The following DOT1L variants were observed in gnomAD, a reference collection of about 807,000 sequenced individuals.
DOT1L encodes the protein DOT1 like histone lysine methyltransferase.
In DOT1L, 33 loss-of-function variants were observed where a neutral mutation model predicts 153.3. The ratio of observed to expected loss-of-function variants is 0.22; its 90% CI spans 0.16 to 0.29. The LOEUF (loss-of-function observed/expected upper bound fraction) is 0.29. DOT1L is among the 10% of genes least tolerant of loss of function. The pLI is 1.00. For missense variants in DOT1L, 1,847 were observed against 2,119.9 expected, an observed-to-expected ratio of 0.87 and a Z score of 2.53; for synonymous variants, 1,135 against 965.1, an observed-to-expected ratio of 1.18 and a Z score of -3.26.
In DOT1L at chr19:2,208,605, C is replaced by T. The variant is rs1376730257; in HGVS notation, c.964-330C>T. ...CCTCGGCGCAGCCTCTCGCCTTCTCCTCTGAGGCGGGCGCGGTTCTTCTGT... is the reference window on the plus strand; with the variant it reads ...CCTCGGCGCAGCCTCTCGCCTTCTCTTCTGAGGCGGGCGCGGTTCTTCTGT... On this transcript the variant is annotated intron_variant, in intron 11 of 27. Coordinates refer to ENST00000398665, the MANE Select transcript of DOT1L (RefSeq NM_032482.3). The surrounding 1 kb of genome is among the most constrained non-coding windows in gnomAD (Gnocchi z 4.4). 6.6e-6 allele frequency among the ~76,000 whole-genome samples: 1 copy of T among 152,224 alleles called. No homozygotes were observed. Among genetic ancestry groups the T allele is most frequent in the African/African-American group, 2.4e-5 (1 of 41,454 alleles).
Position 2,217,633 on chromosome 19 carries a change from C to A in DOT1L, c.2545-139C>A. 2 of 1,257,718 alleles carry A rather than the reference C, an allele frequency of 1.6e-6. No individual in the cohort carries two copies. Among genetic ancestry groups the A allele is most frequent in the Non-Finnish European group, 1.1e-6 (1 of 917,316 alleles). The allele number at this position is 1,257,718 out of a possible 1,614,324, so 77.9% of individuals were successfully genotyped here. On this transcript the variant is annotated intron_variant, in intron 21 of 27. Transcript: ENST00000398665. The surrounding 1 kb of genome is among the most constrained non-coding windows in gnomAD (Gnocchi z 7.3). ...GCCGGTGTCCAGGAGGGCCTGACTG[C>A]GTGGGGAAGGTTGCAGGGCCTTGGC...
chr19:2,214,312 G>A (rs76972872), intron 18 of DOT1L, 159 bp from the exon 19 acceptor site: 5 of 1,280,468 alleles, frequency 3.9e-6, no homozygotes, highest in Non-Finnish European at 4.2e-6. Context: ...CAGTCTCCGC[G>A]TGTTCCGCAT....
rs2144904983 is a variant in DOT1L at position 2,222,358 on chromosome 19, G to A, written c.3189G>A (p.Lys1063=). ...GTGCCAAGCAGTCGCCCTCCAGCAA[G>A]CACAGCCCCCTGACCGCCAGCGCCC... ...AGSAKQSPSS[K]HSPLTASARG... is the part of the protein sequence containing the mutation. The change falls in exon 24 of 28, where the codon AAG becomes AAA. Residue 1063 remains lysine (K), a synonymous_variant. Transcript: ENST00000398665. The surrounding 1 kb of genome is among the most constrained non-coding windows in gnomAD (Gnocchi z 6.5). The A allele has an allele frequency of 1.2e-6, 2 of 1,612,436 alleles. No individual in the cohort carries two copies. Among genetic ancestry groups the A allele is most frequent in the Non-Finnish European group, 1.7e-6 (2 of 1,179,726 alleles).
chr19:2,228,181 C>G (rs774567173), intron 27 of DOT1L: 1 of 1,365,176 alleles, frequency 7.3e-7, no homozygotes, highest in Middle Eastern at 2.1e-4. Context: ...CACAAGGGCG[C>G]CCGCCCCTCC....
rs1352765033 is a variant in DOT1L, at chr19:2,222,878, G to A, written c.3390+319G>A. On this transcript the variant is annotated intron_variant, in intron 24 of 27. Transcript: ENST00000398665. The surrounding 1 kb of genome is among the most constrained non-coding windows in gnomAD (Gnocchi z 6.5). ...CCACAGAGCGAGACTCCCTCTCGGG[G>A]GGACAAAAAAAAACACAAAAAAAAA... 1 of 410,868 alleles carries A rather than the reference G, an allele frequency of 2.4e-6. No individual in the cohort carries two copies. The highest frequency in any genetic ancestry group is 4.1e-5 in the Admixed American group (1 of 24,254). The allele number at this position is 410,868 out of a possible 1,614,324, so 25.5% of individuals were successfully genotyped here. A position where few individuals can be genotyped will look rare whatever the true frequency, so the allele number is the denominator to read the frequency against.
rs563746970 is a variant in DOT1L, at chr19:2,208,613, C to T, written c.964-322C>T. On this transcript the variant is annotated intron_variant, in intron 11 of 27. Coordinates refer to ENST00000398665, the MANE Select transcript of DOT1L (RefSeq NM_032482.3). This position sits in a 1 kb window ranked among gnomAD's most constrained non-coding sequence, Gnocchi z 4.4. ...CAGCCTCTCGCCTTCTCCTCTGAGG[C>T]GGGCGCGGTTCTTCTGTGCAGAAAG... is the stretch of plus-strand genomic sequence containing the variant. 1.3e-5 allele frequency among the ~76,000 whole-genome samples: 2 copies of T among 152,314 alleles called. No homozygotes were observed. The highest frequency in any genetic ancestry group is 2.1e-4 in the South Asian group (1 of 4,830).
intron 2 of DOT1L, among the ~76,000 whole-genome samples, chr19:2,182,738 G>A (rs966131694): frequency 2.6e-5 from 4 of 152,172 alleles, no homozygotes; most frequent in Non-Finnish European, 4.4e-5. Flanking sequence ...ATGGGAAGGG[G>A]CCTGCACAGA....
At chr19:2,187,102 C>T (rs757438428) in intron 3 of DOT1L, among the ~76,000 whole-genome samples, 15 of 152,202 alleles carry the variant, frequency 9.9e-5, no homozygotes, top group South Asian at 2.1e-4. Context: ...AGCTTCTTAC[C>T]GCAGCTTGGG....
In DOT1L at chr19:2,222,896, A is replaced by C. The variant is rs377635202; in HGVS notation, c.3390+337A>C. ...TCTCGGGGGGACAAAAAAAAACACA[A>C]AAAAAAACAGGTGGAGGCAGGGGGC... On this transcript the variant is annotated intron_variant, in intron 24 of 27. Transcript: ENST00000398665. This position sits in a 1 kb window ranked among gnomAD's most constrained non-coding sequence, Gnocchi z 6.5. 8.8e-4 allele frequency: 341 copies of C among 387,898 alleles called. No homozygotes were observed. The highest frequency in any genetic ancestry group is 6.8e-3 in the Middle Eastern group (10 of 1,460). The allele number at this position is 387,898 out of a possible 1,614,324, so 24.0% of individuals were successfully genotyped here.
intron 1 of DOT1L, among the ~76,000 whole-genome samples, chr19:2,165,544 C>T (rs2019880718): frequency 6.6e-6 from 1 of 152,226 alleles, no homozygotes; most frequent in African/African-American, 2.4e-5. Flanking sequence ...CAGGAGAGGT[C>T]CTAGGACAAA....
chr19:2,203,401 C>T (rs2023371233), intron 9 of DOT1L, among the ~76,000 whole-genome samples: 1 of 152,216 alleles, frequency 6.6e-6, no homozygotes, highest in South Asian at 2.1e-4. Flanking sequence ...TGTGCCCAGC[C>T]CTGGAATCTT....
At chr19:2,176,166 G>A (rs1386749555) in intron 1 of DOT1L, among the ~76,000 whole-genome samples, 1 of 152,162 alleles carries the variant, frequency 6.6e-6, no homozygotes, top group Admixed American at 6.6e-5. Flanking sequence ...GTCACCGCTT[G>A]GCCTTTGGGA....
intron 7 of DOT1L, among the ~76,000 whole-genome samples, chr19:2,195,539 A>G (rs2022979669): frequency 6.6e-6 from 1 of 151,900 alleles, no homozygotes; most frequent in Non-Finnish European, 1.5e-5. Context: ...GGGTCTGGGG[A>G]CTGCAGGAAG....
chr19:2,165,586 C>G (rs765313376), intron 1 of DOT1L, among the ~76,000 whole-genome samples: 1 of 152,214 alleles, frequency 6.6e-6, no homozygotes, highest in African/African-American at 2.4e-5. Flanking sequence ...TTCAGCGCCC[C>G]GACCGGTTTC....
Position 2,226,613 on chromosome 19 carries a change from C to T in DOT1L, c.4092C>T (p.Ala1364=). Residue 1364 remains alanine (A), a synonymous_variant, in exon 27 of 28, where the codon GCC becomes GCT. Transcript: ENST00000398665. The part of the protein sequence containing the change: ...PSQRGKEGSD[A]NPFLSKRQLD... ...AGCGCGGCAAGGAGGGCTCGGACGC[C>T]AACCCTTTCCTGAGCAAGAGGCAGC... 1 of 1,596,270 alleles carries T rather than the reference C, an allele frequency of 6.3e-7. No individual in the cohort carries two copies. Among genetic ancestry groups the T allele is most frequent in the Non-Finnish European group, 8.5e-7 (1 of 1,175,548 alleles).
In DOT1L at chr19:2,197,687, C is replaced by T. The variant is rs947951459; in HGVS notation, c.652-2197C>T. ...GTGCTCACGGTCAGGCCAGTGGCTC[C>T]TGAGATGTGTCTGGGAGCATGATTT... On this transcript the variant is annotated intron_variant, in intron 7 of 27. Transcript: ENST00000398665. This position sits in a 1 kb window ranked among gnomAD's most constrained non-coding sequence, Gnocchi z 4.1. Among the ~76,000 whole-genome samples the T allele has an allele frequency of 6.6e-6, 1 of 152,154 alleles. No homozygotes were observed. Among genetic ancestry groups the T allele is most frequent in the Non-Finnish European group, 1.5e-5 (1 of 68,030 alleles).
intron 1 of DOT1L, among the ~76,000 whole-genome samples, chr19:2,165,198 C>T (rs12985980): frequency 5.3e-5 from 8 of 152,036 alleles, no homozygotes; most frequent in Non-Finnish European, 1.2e-4. Context: ...GAAGCAGGCG[C>T]TGTCAGCGAG....
chr19:2,230,758 T>C lies in DOT1L; in HGVS notation c.*966T>C, dbSNP rs1317311014. The C allele has an allele frequency of 7.6e-6, 3 of 396,788 alleles. No individual in the cohort carries two copies. The highest frequency in any genetic ancestry group is 1.3e-5 in the Non-Finnish European group (3 of 225,510). 24.6% of individuals were successfully genotyped at this position (396,788 alleles called of 1,614,324 possible). ...AAAGAAAAGCGAGGGGAAAAAACCT[T>C]ATTTATTCAAACAGTGCACAAAATG... On this transcript the variant is annotated 3_prime_UTR_variant, in exon 28 of 28. Transcript: ENST00000398665.
intron 16 of DOT1L, 182 bp downstream of exon 16, chr19:2,212,024 C>A: frequency 1.7e-6 from 1 of 584,056 alleles, no homozygotes; most frequent in South Asian, 2.2e-5. Flanking sequence ...CTGAGAGACC[C>A]GGAAAACAGC....
Sources: allele counts gnomAD v4.1 joint callset (sites outside exome capture counted in the v4.1 genomes callset), GRCh38; gene constraint gnomAD v4.1.1; non-coding constraint Gnocchi (gnomAD v3.1); transcripts MANE v1.5; gene names NCBI Gene and HGNC (gene_info 2026-07-23, HGNC 2026-07-21).